The following NR6A1 variants were observed in gnomAD, a reference collection of about 807,000 sequenced individuals.
NR6A1 encodes nuclear receptor subfamily 6 group A member 1, also known as retinoic acid receptor-related testis-associated receptor.
Under a neutral mutation model 59.1 loss-of-function variants are expected in NR6A1, and 7 were observed. The ratio of observed to expected loss-of-function variants is 0.12; its 90% confidence interval spans 0.07 to 0.22. NR6A1 has a LOEUF of 0.22. Ranked by LOEUF, NR6A1 falls within the 10% of genes least tolerant of loss-of-function variation. The pLI is 1.00. For missense variants in NR6A1, 468 were observed against 611.6 expected, an observed-to-expected ratio of 0.77 and a Z score of 2.48; for synonymous variants, 243 against 236.1, an observed-to-expected ratio of 1.03 and a Z score of -0.27.
At position 124,519,903 on chromosome 9, in the gene NR6A1, A is replaced by G. The variant is rs1166201438; in HGVS notation, c.*2802T>C. On this transcript the variant is annotated 3_prime_UTR_variant, in exon 10 of 10. Transcript: ENST00000487099. Reference sequence around the variant, plus strand: ...AGCGACAGAGCGAGACTCCGCCTCAAAAAAAAAAAAAAAAAAAAAAAAAAA... The same window carrying G: ...AGCGACAGAGCGAGACTCCGCCTCAGAAAAAAAAAAAAAAAAAAAAAAAAA... The G allele has an allele frequency of 8.0e-6, 1 of 124,904 alleles. No homozygotes were observed. The highest frequency in any genetic ancestry group is 3.1e-5 in the African/African-American group (1 of 32,652). The allele number at this position is 124,904 out of a possible 1,614,324, so 7.7% of individuals were successfully genotyped here. A position where few individuals can be genotyped will look rare whatever the true frequency, so the allele number is the denominator to read the frequency against.
intron 2 of NR6A1, among the ~76,000 whole-genome samples, chr9:124,702,901 AT>A (rs879358450): frequency 6.0e-4 from 87 of 146,112 alleles, no homozygotes; most frequent in African/African-American, 9.3e-4. Flanking sequence ...GAATAGGCAA[AT>A]TTTTTTTTTT....
intron 2 of NR6A1, among the ~76,000 whole-genome samples, chr9:124,575,730 G>GT (rs1272286319): frequency 6.7e-6 from 1 of 148,716 alleles, no homozygotes; most frequent in East Asian, 1.9e-4. Context: ...TTATCACATC[G>GT]TAACTGTGAG....
At chr9:124,668,855 A>C (rs1342621308) in intron 2 of NR6A1, among the ~76,000 whole-genome samples, 2 of 152,222 alleles carry the variant, frequency 1.3e-5, no homozygotes, top group Admixed American at 6.5e-5. Context: ...CTAAGCTCGC[A>C]AACACTGAGA....
intron 2 of NR6A1, among the ~76,000 whole-genome samples, chr9:124,573,611 C>G (rs1315247213): frequency 2.6e-5 from 4 of 152,172 alleles, no homozygotes; most frequent in Non-Finnish European, 1.5e-5. Context: ...TTTCTGACAC[C>G]TATCTTCATT....
At chr9:124,604,739 G>A (rs750281623) in intron 2 of NR6A1, among the ~76,000 whole-genome samples, 28 of 152,156 alleles carry the variant, frequency 1.8e-4, no homozygotes, top group African/African-American at 5.1e-4. Flanking sequence ...CTTGAGCCCC[G>A]GGAGGCAGAG....
At chr9:124,648,031 A>G (rs1234123401) in intron 2 of NR6A1, among the ~76,000 whole-genome samples, 1 of 152,212 alleles carries the variant, frequency 6.6e-6, no homozygotes, top group Non-Finnish European at 1.5e-5. Context: ...ATCTCTGATG[A>G]ACACAGATGC....
intron 2 of NR6A1, among the ~76,000 whole-genome samples, chr9:124,652,993 C>T (rs958168040): frequency 6.6e-6 from 1 of 152,172 alleles, no homozygotes; most frequent in Non-Finnish European, 1.5e-5. Context: ...TTCCTACAGC[C>T]TCTGCTTTGG....
intron 7 of NR6A1, among the ~76,000 whole-genome samples, chr9:124,531,560 G>A (rs1833098685): frequency 6.6e-6 from 1 of 152,212 alleles, no homozygotes; most frequent in Admixed American, 6.5e-5. Flanking sequence ...CCACAGCCTG[G>A]GTTTCTAGCA....
chr9:124,763,259 T>C (rs1189316993), intron 1 of NR6A1, among the ~76,000 whole-genome samples: 1 of 152,226 alleles, frequency 6.6e-6, no homozygotes, highest in Non-Finnish European at 1.5e-5. Context: ...AAAAGTCTTT[T>C]TGAAAAATAC....
At chr9:124,646,633 T>C (rs927184309) in intron 2 of NR6A1, among the ~76,000 whole-genome samples, 13 of 151,976 alleles carry the variant, frequency 8.6e-5, no homozygotes, top group Admixed American at 5.9e-4. Context: ...ATAAAATACC[T>C]AACACTAACA....
chr9:124,615,624 CT>C lies in NR6A1; in HGVS notation c.143-61055del, dbSNP rs527252555. Among the ~76,000 whole-genome samples, 677 of 145,614 alleles carry C rather than the reference CT, an allele frequency of 4.6e-3. 4 individuals carry two copies. Among genetic ancestry groups the C allele is most frequent in the African/African-American group, 0.014 (542 of 40,050 alleles). ...CCTTGTGAAATATAAGGGTTTTTGC[CT>C]TTTTTTTTTTCCCAGAATGATACAA... On this transcript the variant is annotated intron_variant, in intron 2 of 9. Coordinates refer to ENST00000487099, the MANE Select transcript of NR6A1 (RefSeq NM_033334.4).
intron 2 of NR6A1, among the ~76,000 whole-genome samples, chr9:124,697,398 A>T (rs188905759): frequency 1.3e-5 from 2 of 152,168 alleles, no homozygotes; most frequent in Non-Finnish European, 2.9e-5. Context: ...AGAAGATAAA[A>T]GTAAGGTACT....
Position 124,657,203 on chromosome 9 carries a change from CAA to C in NR6A1, c.142+76103_142+76104del, listed in dbSNP as rs200186603. Among the ~76,000 whole-genome samples, 851 of 152,158 alleles carry C rather than the reference CAA, an allele frequency of 5.6e-3. 8 individuals are homozygous for C. Among genetic ancestry groups the C allele is most frequent in the African/African-American group, 0.019 (802 of 41,488 alleles). Reference sequence around the variant, plus strand: ...CAAAACAGCTTTTCTCGGGTTAAGACAAGAGAATAATTCTGGGGTAGTCCTCA... The same window carrying C: ...CAAAACAGCTTTTCTCGGGTTAAGACGAGAATAATTCTGGGGTAGTCCTCA... On this transcript the variant is annotated intron_variant, in intron 2 of 9. Transcript: ENST00000487099.
intron 2 of NR6A1, among the ~76,000 whole-genome samples, chr9:124,613,769 G>A (rs1246781752): frequency 6.6e-6 from 1 of 152,154 alleles, no homozygotes; most frequent in Non-Finnish European, 1.5e-5. Context: ...GAACATTACT[G>A]GCATAAAGAA....
intron 2 of NR6A1, among the ~76,000 whole-genome samples, chr9:124,667,472 G>A: frequency 6.6e-6 from 1 of 152,166 alleles, no homozygotes; most frequent in East Asian, 1.9e-4. Context: ...ATTAATGAAT[G>A]AAATGCTACT....
At chr9:124,752,678 T>A (rs925332019) in intron 1 of NR6A1, among the ~76,000 whole-genome samples, 1 of 152,200 alleles carries the variant, frequency 6.6e-6, no homozygotes, top group Admixed American at 6.5e-5. Context: ...AAATCATTTA[T>A]GTAGGGGTAC....
At chr9:124,645,078 T>A (rs1323402894) in intron 2 of NR6A1, among the ~76,000 whole-genome samples, 1 of 152,188 alleles carries the variant, frequency 6.6e-6, no homozygotes, top group Non-Finnish European at 1.5e-5. Context: ...CTTGGATTGG[T>A]TATAAATATA....
chr9:124,524,398 T>C (rs1350223549), intron 9 of NR6A1, among the ~76,000 whole-genome samples: 2 of 152,144 alleles, frequency 1.3e-5, no homozygotes, highest in Non-Finnish European at 2.9e-5. Context: ...TTAAGTTAAT[T>C]TGAGATACTC....
At chr9:124,768,236 G>A (rs1840994377) in intron 1 of NR6A1, among the ~76,000 whole-genome samples, 1 of 152,164 alleles carries the variant, frequency 6.6e-6, no homozygotes, top group South Asian at 2.1e-4. Flanking sequence ...CTGTATAGTT[G>A]TCTCTTGAAA....
Sources: allele counts gnomAD v4.1 joint callset (sites outside exome capture counted in the v4.1 genomes callset), GRCh38; gene constraint gnomAD v4.1.1; transcripts MANE v1.5; gene names NCBI Gene and HGNC (gene_info 2026-07-23, HGNC 2026-07-21).